The following SAXO1 variants were observed in gnomAD, a reference collection of about 807,000 sequenced individuals.
The protein encoded by SAXO1 is 4930500O09Rik.
Under a neutral mutation model 17.5 loss-of-function variants are expected in SAXO1, and 21 were observed. The ratio of observed to expected loss-of-function variants is 1.20; its 90% CI spans 0.85 to 1.72. The LOEUF (loss-of-function observed/expected upper bound fraction) is 1.72, where lower values mean the gene tolerates loss of function less well. Ranked by LOEUF, SAXO1 falls within the 40% of genes most tolerant of loss-of-function variation. The pLI is 0.00. For synonymous variants in SAXO1, 274 were observed against 216.5 expected, an observed-to-expected ratio of 1.27 and a Z score of -2.33; for missense variants, 843 against 596.0, an observed-to-expected ratio of 1.41 and a Z score of -4.32.
At chr9:18,963,450 T>G (rs1293011127) in intron 1 of SAXO1, among the ~76,000 whole-genome samples, 1 of 152,226 alleles carries the variant, frequency 6.6e-6, no homozygotes, top group Non-Finnish European at 1.5e-5. Context: ...GCAATGTTTT[T>G]CCACTTGTTG....
chr9:19,013,278 T>C (rs1014054330), intron 1 of SAXO1, among the ~76,000 whole-genome samples: 3 of 152,166 alleles, frequency 2.0e-5, no homozygotes, highest in African/African-American at 7.2e-5. Flanking sequence ...TGCCTAAAGA[T>C]CTTCACCACT....
chr9:19,011,683 T>C (rs977043589), intron 1 of SAXO1, among the ~76,000 whole-genome samples: 3 of 152,184 alleles, frequency 2.0e-5, no homozygotes, highest in Non-Finnish European at 4.4e-5. Context: ...CAACCCAAAC[T>C]GATGGAAAAA....
At chr9:18,930,095 C>T (rs1268714775) in intron 3 of SAXO1, among the ~76,000 whole-genome samples, 2 of 152,210 alleles carry the variant, frequency 1.3e-5, no homozygotes, top group East Asian at 3.8e-4. Flanking sequence ...TCTCCAAAGC[C>T]ATGTTCTTCT....
chr9:18,953,996 G>T (rs867236663), intron 1 of SAXO1, among the ~76,000 whole-genome samples: 77 of 152,324 alleles, frequency 5.1e-4, no homozygotes, highest in Admixed American at 4.3e-3. Flanking sequence ...ATGATCCAAA[G>T]AACTGAAACT....
chr9:19,048,435 C>G (rs1042700221), intron 1 of SAXO1, among the ~76,000 whole-genome samples: 2 of 151,176 alleles, frequency 1.3e-5, no homozygotes, highest in Admixed American at 1.3e-4. Flanking sequence ...CCAGCCTGGG[C>G]AACAGAGTGA....
chr9:18,944,159 G>T (rs1281581422), intron 2 of SAXO1, among the ~76,000 whole-genome samples: 1 of 150,782 alleles, frequency 6.6e-6, no homozygotes, highest in African/African-American at 2.4e-5. Flanking sequence ...TTCCTCTATG[G>T]TTTAATTTAT....
chr9:19,030,608 G>C (rs200048486), intron 1 of SAXO1, among the ~76,000 whole-genome samples: 1 of 151,872 alleles, frequency 6.6e-6, no homozygotes, highest in Admixed American at 6.6e-5. Context: ...TGGGAGGCTG[G>C]GGCAGGAGAA....
At position 18,940,546 on chromosome 9, in the gene SAXO1, C is replaced by T. The variant is rs1282316496; in HGVS notation, c.421+1091G>A. On this transcript the variant is annotated intron_variant, in intron 3 of 3. Transcript: ENST00000380534. ...CTCCAACCTCCCTACCTCCACCACCCTCTTCACCCTAAATGCTTGGCTTGA... is the reference window on the plus strand; with the variant it reads ...CTCCAACCTCCCTACCTCCACCACCTTCTTCACCCTAAATGCTTGGCTTGA... 3.9e-5 allele frequency among the ~76,000 whole-genome samples: 6 copies of T among 152,204 alleles called. No individual in the cohort carries two copies. The East Asian group carries it at 1.2e-3, about 29-fold the overall frequency.
At chr9:18,942,690 G>T (rs1278991706) in intron 2 of SAXO1, among the ~76,000 whole-genome samples, 1 of 152,114 alleles carries the variant, frequency 6.6e-6, no homozygotes, top group Non-Finnish European at 1.5e-5. Context: ...TAAACAGGAA[G>T]CAGTCCCTCC....
intron 1 of SAXO1, among the ~76,000 whole-genome samples, chr9:18,954,521 G>C (rs1016542797): frequency 9.2e-5 from 14 of 152,004 alleles, no homozygotes; most frequent in African/African-American, 3.4e-4. Context: ...ATTTTCTGTA[G>C]AGATAGGGTT....
At position 19,033,068 on chromosome 9, in the gene SAXO1, T is replaced by G; in HGVS notation, c.-160A>C. On this transcript the variant is annotated 5_prime_UTR_variant, in exon 1 of 4. Transcript: ENST00000380534. ...TTTAAGTGGCCCTTTTGCAATGTCC[T>G]GTCGTCTGTTGCCCTCCTGGAGCTG... 3.0e-6 allele frequency: 2 copies of G among 659,446 alleles called. No individual in the cohort carries two copies. Among genetic ancestry groups the G allele is most frequent in the Non-Finnish European group, 4.8e-6 (2 of 415,928 alleles). The allele number at this position is 659,446 out of a possible 1,614,324, so 40.8% of individuals were successfully genotyped here. A position where few individuals can be genotyped will look rare whatever the true frequency, so the allele number is the denominator to read the frequency against.
intron 1 of SAXO1, among the ~76,000 whole-genome samples, chr9:19,031,233 A>C (rs10963919): frequency 0.1 from 15,882 of 152,318 alleles, 904 homozygotes; most frequent in Non-Finnish European, 0.12. Flanking sequence ...AATGCCTAGA[A>C]CAATGCAGGA....
intron 1 of SAXO1, among the ~76,000 whole-genome samples, chr9:19,040,624 A>G (rs1836056377): frequency 6.6e-6 from 1 of 152,192 alleles, no homozygotes; most frequent in East Asian, 1.9e-4. Flanking sequence ...AGCCTGGGCA[A>G]CAGAGTGAGA....
chr9:19,036,963 G>C (rs948094590), upstream of SAXO1, among the ~76,000 whole-genome samples: 3 of 152,194 alleles, frequency 2.0e-5, no homozygotes, highest in Admixed American at 1.3e-4. Flanking sequence ...GGGAGGAGCT[G>C]TCCAAGACCA....
At chr9:18,977,645 G>A (rs1314134181) in intron 1 of SAXO1, among the ~76,000 whole-genome samples, 1 of 152,122 alleles carries the variant, frequency 6.6e-6, no homozygotes, top group African/African-American at 2.4e-5. Context: ...GGGGACCCAT[G>A]AGCCACTTGG....
At chr9:18,973,380 T>A (rs6475293) in intron 1 of SAXO1, among the ~76,000 whole-genome samples, 122,420 of 152,166 alleles carry the variant, frequency 0.8, 49,419 homozygotes, top group Middle Eastern at 0.83. Flanking sequence ...ATCTCAGTAG[T>A]GTTGTAGACA....
chr9:18,941,722 G>A lies in SAXO1; in HGVS notation c.336C>T (p.Tyr112=), dbSNP rs960701315. 2.5e-6 allele frequency: 4 copies of A among 1,613,846 alleles called. No homozygotes were observed. Among genetic ancestry groups the A allele is most frequent in the Non-Finnish European group, 3.4e-6 (4 of 1,180,026 alleles). Residue 112 remains tyrosine, a synonymous_variant, in exon 3 of 4, where the codon TAC becomes TAT. Coordinates refer to ENST00000380534, the MANE Select transcript of SAXO1 (RefSeq NM_153707.4). ...TGATGGGGTCCACTCGACAGACAGG[G>A]TAGGGATTGTAATCTTTCTTATACG... ...LTTYKKDYNP[Y]PVCRVDPIKP...
At chr9:18,991,622 G>A (rs1187203159) in intron 1 of SAXO1, among the ~76,000 whole-genome samples, 1 of 152,150 alleles carries the variant, frequency 6.6e-6, no homozygotes, top group Non-Finnish European at 1.5e-5. Context: ...TGTAAATGAT[G>A]AGTTAATGGG....
chr9:18,983,594 T>G (rs528740813), intron 1 of SAXO1, among the ~76,000 whole-genome samples: 20 of 152,352 alleles, frequency 1.3e-4, no homozygotes, highest in African/African-American at 4.6e-4. Flanking sequence ...AAGTAACTCC[T>G]CATGCATTTA....
Sources: gnomAD v4.1 joint callset for allele counts (sites outside exome capture counted in the v4.1 genomes callset) on GRCh38, gnomAD v4.1.1 for gene constraint, MANE v1.5 for transcripts, NCBI Gene and HGNC (gene_info 2026-07-23, HGNC 2026-07-21) for gene names.